Variants in NCKAP5 observed in about 807,000 individuals in gnomAD.
NCKAP5 encodes nck-associated protein 5.
A neutral mutation model predicts 167.0 loss-of-function variants in NCKAP5; 92 were observed. The ratio of observed to expected loss-of-function variants is 0.55; its 90% confidence interval spans 0.47 to 0.66. The LOEUF is 0.66. NCKAP5 is among the 30% of genes least tolerant of loss of function. The probability of loss-of-function intolerance (pLI) is 0.00; values close to 1 mark genes in which losing one functional copy is unlikely to be tolerated. For synonymous variants in NCKAP5, 891 were observed against 877.4 expected, an observed-to-expected ratio of 1.02 and a Z score of -0.27; for missense variants, 2,378 against 2,315.0, an observed-to-expected ratio of 1.03 and a Z score of -0.56.
chr2:133,286,138 G>A (rs1679110178), intron 4 of NCKAP5, among the ~76,000 whole-genome samples: 1 of 151,966 alleles, frequency 6.6e-6, no homozygotes, highest in Non-Finnish European at 1.5e-5. Flanking sequence ...TGGGATTACA[G>A]GCGCCCACTA....
chr2:133,141,030 C>A (rs1028845115), intron 5 of NCKAP5, among the ~76,000 whole-genome samples: 57 of 151,944 alleles, frequency 3.8e-4, no homozygotes, highest in Non-Finnish European at 4.7e-4. Context: ...ATCCTCTTGA[C>A]CCCCCACGAC....
At chr2:133,173,140 G>C (rs2084318080) in intron 5 of NCKAP5, among the ~76,000 whole-genome samples, 1 of 152,154 alleles carries the variant, frequency 6.6e-6, no homozygotes, top group African/African-American at 2.4e-5. Flanking sequence ...AGGAGTGCCT[G>C]TCTCCTCATT....
chr2:133,424,341 C>T (rs912066919), intron 3 of NCKAP5, among the ~76,000 whole-genome samples: 9 of 152,256 alleles, frequency 5.9e-5, no homozygotes, highest in African/African-American at 1.9e-4. Flanking sequence ...AGTCCCTGGC[C>T]GACCAAGATG....
At chr2:133,270,067 C>G (rs2089439865) in intron 4 of NCKAP5, among the ~76,000 whole-genome samples, 1 of 152,124 alleles carries the variant, frequency 6.6e-6, no homozygotes, top group Non-Finnish European at 1.5e-5. Context: ...ACTGGAATGC[C>G]TATTAAGTTA....
chr2:132,827,472 T>C (rs1200353847), intron 11 of NCKAP5, among the ~76,000 whole-genome samples: 1 of 152,208 alleles, frequency 6.6e-6, no homozygotes, highest in Non-Finnish European at 1.5e-5. Flanking sequence ...ACATATAATG[T>C]ACAGTGATCA....
At chr2:133,597,562 G>C in the NCKAP5 span, among the ~76,000 whole-genome samples, 1 of 151,192 alleles carries the variant, frequency 6.6e-6, no homozygotes. Context: ...CCAGCTACTC[G>C]GGAGGCTGAG....
chr2:133,449,192 T>C (rs7604549), intron 3 of NCKAP5, among the ~76,000 whole-genome samples: 67,006 of 152,024 alleles, frequency 0.44, 15,839 homozygotes, highest in African/African-American at 0.62. Context: ...TGTAGAGTAG[T>C]TGCTCAATAA....
intron 8 of NCKAP5, among the ~76,000 whole-genome samples, chr2:132,887,361 ATCTT>A (rs60370921): frequency 0.14 from 14,339 of 99,776 alleles, 1,003 homozygotes; most frequent in East Asian, 0.48. Flanking sequence ...CCATCCATCC[ATCTT>A]TCCATCCATC....
intron 3 of NCKAP5, among the ~76,000 whole-genome samples, chr2:133,517,128 T>C (rs1007063390): frequency 2.0e-5 from 3 of 152,218 alleles, no homozygotes; most frequent in African/African-American, 4.8e-5. Flanking sequence ...AAATGGGGGA[T>C]GGAACAACTA....
At chr2:132,864,850 C>T (rs1052712006) in intron 10 of NCKAP5, among the ~76,000 whole-genome samples, 1 of 152,150 alleles carries the variant, frequency 6.6e-6, no homozygotes, top group East Asian at 1.9e-4. Flanking sequence ...GCTTAGAGGG[C>T]CTGGGCTCTA....
At chr2:132,777,109 T>C (rs536993657) in intron 15 of NCKAP5, among the ~76,000 whole-genome samples, 1 of 152,328 alleles carries the variant, frequency 6.6e-6, no homozygotes, top group African/African-American at 2.4e-5. Flanking sequence ...GCAACAACCA[T>C]GGGCCATTTT....
intron 8 of NCKAP5, among the ~76,000 whole-genome samples, chr2:132,947,068 G>A (rs1004071850): frequency 6.6e-6 from 1 of 152,116 alleles, no homozygotes; most frequent in Non-Finnish European, 1.5e-5. Context: ...AGAGGATCAG[G>A]GTTGTTTTGA....
intron 3 of NCKAP5, among the ~76,000 whole-genome samples, chr2:133,500,495 G>A (rs569676590): frequency 1.9e-4 from 29 of 152,258 alleles, no homozygotes; most frequent in African/African-American, 5.5e-4. Flanking sequence ...ACCAGACATG[G>A]CAATAATTAA....
intron 6 of NCKAP5, among the ~76,000 whole-genome samples, chr2:133,019,639 C>G (rs897975453): frequency 5.3e-5 from 8 of 152,252 alleles, no homozygotes; most frequent in African/African-American, 1.7e-4. Flanking sequence ...TTTTCATTTT[C>G]CCCTTATTGC....
the NCKAP5 span, among the ~76,000 whole-genome samples, chr2:133,589,493 C>T: frequency 6.6e-6 from 1 of 152,130 alleles, no homozygotes; most frequent in Non-Finnish European, 1.5e-5. Flanking sequence ...ATTCTGGATG[C>T]ACCGTCCTGG....
At chr2:133,222,980 T>C (rs1197875730) in intron 4 of NCKAP5, among the ~76,000 whole-genome samples, 1 of 152,194 alleles carries the variant, frequency 6.6e-6, no homozygotes, top group Non-Finnish European at 1.5e-5. Context: ...TTGACCATTT[T>C]AATGTGAATC....
At chr2:132,695,911 AC>A (rs1253718060) in intron 19 of NCKAP5, among the ~76,000 whole-genome samples, 1 of 152,184 alleles carries the variant, frequency 6.6e-6, no homozygotes, top group African/African-American at 2.4e-5. Context: ...ATACCCTTCT[AC>A]TAGCTTTGTT....
chr2:133,563,069 T>C (rs1688281488), intron 1 of NCKAP5, among the ~76,000 whole-genome samples: 1 of 152,220 alleles, frequency 6.6e-6, no homozygotes, highest in African/African-American at 2.4e-5. Context: ...CTTCTGGCTA[T>C]TTAAATCCAC....
At chr2:133,196,387 G>T (rs1451760546) in intron 5 of NCKAP5, among the ~76,000 whole-genome samples, 1 of 152,162 alleles carries the variant, frequency 6.6e-6, no homozygotes, top group Non-Finnish European at 1.5e-5. Context: ...AGGAGCCAAG[G>T]CATAGAGCTT....
Sources: allele counts gnomAD v4.1 joint callset (sites outside exome capture counted in the v4.1 genomes callset), GRCh38; gene constraint gnomAD v4.1.1; transcripts MANE v1.5; gene names NCBI Gene and HGNC (gene_info 2026-07-23, HGNC 2026-07-21).